Variants in VPS50 observed in about 807,000 individuals in gnomAD.
The protein encoded by VPS50 is syndetin.
VPS50 carries 70 observed loss-of-function variants against 139.7 expected under a neutral mutation model. The ratio of observed to expected loss-of-function variants is 0.50; its 90% CI spans 0.41 to 0.61. The LOEUF is 0.61. Ranked by LOEUF, VPS50 falls within the 20% of genes least tolerant of loss-of-function variation. The probability of loss-of-function intolerance (pLI) is 0.00; values close to 1 mark genes in which losing one functional copy is unlikely to be tolerated. For missense variants in VPS50, 921 were observed against 1,133.7 expected, an observed-to-expected ratio of 0.81 and a Z score of 2.69; for synonymous variants, 365 against 376.7, an observed-to-expected ratio of 0.97 and a Z score of 0.36.
chr7:93,295,497 A>C (rs1796783511), intron 14 of VPS50: 1 of 152,216 alleles, frequency 6.6e-6, no homozygotes, highest in South Asian at 2.1e-4. Flanking sequence ...TATCTTATTA[A>C]GTTTTTCTTT....
intron 2 of VPS50, among the ~76,000 whole-genome samples, chr7:93,243,377 G>T (rs1795052591): frequency 6.6e-6 from 1 of 151,920 alleles, no homozygotes; most frequent in Non-Finnish European, 1.5e-5. Flanking sequence ...GCAAGTGTCA[G>T]TAATATTTAG....
chr7:93,311,234 T>C lies in VPS50; in HGVS notation c.1817T>C (p.Ile606Thr). The change falls in exon 20 of 28, where the codon ATC (isoleucine) becomes ACC (threonine). Residue 606 changes from isoleucine (I) to threonine (T), a missense_variant. Coordinates refer to ENST00000305866, the MANE Select transcript of VPS50 (RefSeq NM_017667.4). The stretch of plus-strand genomic sequence containing the variant: ...AGTCTAAATAAAGTGAATGCACCTA[T>C]CTTAACAAATACAACATTGAACGTC... ...DYSLNKVNAP[I>T]LTNTTLNVIR... 7.2e-7 allele frequency: 1 copy of C among 1,380,600 alleles called. No homozygotes were observed. Among genetic ancestry groups the C allele is most frequent in the Non-Finnish European group, 1.0e-6 (1 of 967,226 alleles). 85.5% of individuals were successfully genotyped at this position (1,380,600 alleles called of 1,614,324 possible).
At chr7:93,288,896 T>C (rs912192109) in intron 12 of VPS50, among the ~76,000 whole-genome samples, 3 of 152,138 alleles carry the variant, frequency 2.0e-5, no homozygotes, top group Admixed American at 6.6e-5. Context: ...CTGATGTTTA[T>C]GGTGGTTAGT....
chr7:93,291,786 T>G lies in VPS50; in HGVS notation c.1026T>G (p.Thr342=). The change falls in exon 13 of 28, where the codon ACT becomes ACG. Residue 342 remains threonine, a synonymous_variant. Coordinates refer to ENST00000305866, the MANE Select transcript of VPS50 (RefSeq NM_017667.4). ...AAGTTATGCTCAGCTATTATAGGAC[T>G]ATGGAATGGCATGAAAAGCATGACA... ...LWEVMLSYYR[T]MEWHEKHDNE... is the part of the protein sequence containing the mutation. 1 of 1,603,512 alleles carries G rather than the reference T, an allele frequency of 6.2e-7. No individual in the cohort carries two copies. Among genetic ancestry groups the G allele is most frequent in the South Asian group, 1.1e-5 (1 of 89,986 alleles).
chr7:93,243,183 A>G (rs1795047596), intron 2 of VPS50, among the ~76,000 whole-genome samples: 1 of 152,004 alleles, frequency 6.6e-6, no homozygotes, highest in African/African-American at 2.4e-5. Flanking sequence ...ATAGAAAAGT[A>G]GAAAACATTT....
At chr7:93,311,776 G>A (rs1336745540) in intron 20 of VPS50, among the ~76,000 whole-genome samples, 1 of 151,986 alleles carries the variant, frequency 6.6e-6, no homozygotes, top group Non-Finnish European at 1.5e-5. Context: ...TTTGTAGAAG[G>A]CAAACAATAT....
At chr7:93,290,608 C>T (rs946586704) in intron 12 of VPS50, among the ~76,000 whole-genome samples, 1 of 151,746 alleles carries the variant, frequency 6.6e-6, no homozygotes, top group Non-Finnish European at 1.5e-5. Flanking sequence ...CTCCTTAGAC[C>T]TATTAATAGA....
chr7:93,300,654 A>T (rs917874132), intron 16 of VPS50, among the ~76,000 whole-genome samples: 4 of 152,096 alleles, frequency 2.6e-5, no homozygotes, highest in Non-Finnish European at 5.9e-5. Flanking sequence ...ACCCCAGCTC[A>T]TGATTTTGAG....
intron 9 of VPS50, among the ~76,000 whole-genome samples, chr7:93,265,174 A>G (rs1051684260): frequency 2.6e-5 from 4 of 152,028 alleles, no homozygotes; most frequent in African/African-American, 4.8e-5. Context: ...TACATAATAT[A>G]TATATACAGA....
At chr7:93,345,536 T>G (rs1798365100) in intron 23 of VPS50, among the ~76,000 whole-genome samples, 1 of 152,162 alleles carries the variant, frequency 6.6e-6, no homozygotes, top group African/African-American at 2.4e-5. Flanking sequence ...AAAGAGAATT[T>G]TAGACCAATA....
intron 12 of VPS50, 150 bp from the exon 13 acceptor site, chr7:93,291,553 C>A (rs1796648610): frequency 4.5e-6 from 2 of 449,168 alleles, no homozygotes; most frequent in Non-Finnish European, 7.7e-6. Context: ...TTTTTTTTCT[C>A]CCCATTGAAT....
At chr7:93,246,553 T>G (rs1562848125) in intron 2 of VPS50, among the ~76,000 whole-genome samples, 1 of 151,912 alleles carries the variant, frequency 6.6e-6, no homozygotes, top group Non-Finnish European at 1.5e-5. Context: ...CAAGCTGTTA[T>G]GTGGGTTTAG....
chr7:93,280,910 T>A (rs979606521), intron 12 of VPS50, among the ~76,000 whole-genome samples: 2 of 151,940 alleles, frequency 1.3e-5, no homozygotes, highest in Admixed American at 1.3e-4. Context: ...TATATATATA[T>A]ACATACATAC....
intron 4 of VPS50, among the ~76,000 whole-genome samples, chr7:93,255,041 T>A (rs188000334): frequency 6.6e-6 from 1 of 152,102 alleles, no homozygotes; most frequent in South Asian, 2.1e-4. Flanking sequence ...GCCAATTCTT[T>A]TGGCACCAGG....
At chr7:93,242,872 T>C (rs1377089986) in intron 2 of VPS50, among the ~76,000 whole-genome samples, 1 of 151,970 alleles carries the variant, frequency 6.6e-6, no homozygotes, top group Non-Finnish European at 1.5e-5. Flanking sequence ...GGATAAATGA[T>C]GGCTGTTTAA....
chr7:93,330,646 C>T (rs568842959), intron 21 of VPS50, among the ~76,000 whole-genome samples: 8 of 147,516 alleles, frequency 5.4e-5, no homozygotes, highest in East Asian at 2.0e-4. Flanking sequence ...CCCAGTTACT[C>T]GGGATGCTGA....
At chr7:93,267,365 G>A (rs893316941) in intron 9 of VPS50, among the ~76,000 whole-genome samples, 1 of 152,130 alleles carries the variant, frequency 6.6e-6, no homozygotes, top group South Asian at 2.1e-4. Flanking sequence ...GTTCAGTGTG[G>A]TTCTTCTAAA....
intron 20 of VPS50, among the ~76,000 whole-genome samples, chr7:93,313,381 A>G (rs964311623): frequency 1.3e-5 from 2 of 152,184 alleles, no homozygotes; most frequent in African/African-American, 4.8e-5. Context: ...CTAGTTCAAA[A>G]GGGGCTGGAG....
intron 12 of VPS50, among the ~76,000 whole-genome samples, chr7:93,284,151 C>T (rs963021438): frequency 6.6e-6 from 1 of 152,032 alleles, no homozygotes; most frequent in Non-Finnish European, 1.5e-5. Flanking sequence ...TATGGTGGCA[C>T]ACAGCTTCCA....
Sources: gnomAD v4.1 joint callset for allele counts (sites outside exome capture counted in the v4.1 genomes callset) on GRCh38, gnomAD v4.1.1 for gene constraint, MANE v1.5 for transcripts, NCBI Gene and HGNC (gene_info 2026-07-23, HGNC 2026-07-21) for gene names.